Variants in RBFOX1 observed in about 807,000 individuals in gnomAD.
The protein encoded by RBFOX1 is RNA binding protein fox-1 homolog 1.
In RBFOX1, 8 loss-of-function variants were observed where a neutral mutation model predicts 57.7. The observed-to-expected ratio is 0.14, with a 90% CI of 0.08 to 0.25. RBFOX1 has a LOEUF of 0.25. RBFOX1 is among the 10% of genes least tolerant of loss of function. RBFOX1 has a pLI of 1.00. For synonymous variants in RBFOX1, 326 were observed against 222.4 expected (o/e 1.47, Z -4.15); for missense variants, 611 against 548.5 (o/e 1.11, Z -1.14).
chr16:7,680,848 T>C (rs551510993), intron 14 of RBFOX1, among the ~76,000 whole-genome samples: 1 of 152,218 alleles, frequency 6.6e-6, no homozygotes, highest in East Asian at 1.9e-4. Context: ...GTAGCTCAAC[T>C]TAATAGAAAT....
At chr16:6,943,663 G>C (rs1230725454) in intron 3 of RBFOX1, among the ~76,000 whole-genome samples, 1 of 150,698 alleles carries the variant, frequency 6.6e-6, no homozygotes, top group Non-Finnish European at 1.5e-5. Context: ...AGCCAAGATT[G>C]CGTCACTGCA....
At position 5,677,626 on chromosome 16, in the gene RBFOX1, C is replaced by T. The variant is rs150352701; in HGVS notation, c.318+78665C>T. ...CTTCTATGGATACAGCAGAGAATGA[C>T]ACAGGCATATTCCCTGCGCTCATGG... is the stretch of plus-strand genomic sequence containing the variant. On this transcript the variant is annotated intron_variant, in intron 3 of 19. Transcript: ENST00000641259. Among the ~76,000 whole-genome samples the T allele has an allele frequency of 5.1e-3, 771 of 152,310 alleles. 7 individuals carry two copies. Among genetic ancestry groups the T allele is most frequent in the African/African-American group, 0.018 (749 of 41,568 alleles).
At chr16:7,118,873 G>A (rs1567328583) in intron 4 of RBFOX1, among the ~76,000 whole-genome samples, 1 of 152,126 alleles carries the variant, frequency 6.6e-6, no homozygotes, top group Non-Finnish European at 1.5e-5. Context: ...AGCACATAGA[G>A]AACTTGCTCA....
At chr16:6,666,481 A>T (rs976370893) in intron 3 of RBFOX1, among the ~76,000 whole-genome samples, 1 of 150,656 alleles carries the variant, frequency 6.6e-6, no homozygotes, top group African/African-American at 2.4e-5. Context: ...CAGAGGTTAC[A>T]GTCAGCTGAG....
At chr16:6,754,663 G>A (rs1042725429) in intron 3 of RBFOX1, among the ~76,000 whole-genome samples, 1 of 152,044 alleles carries the variant, frequency 6.6e-6, no homozygotes, top group African/African-American at 2.4e-5. Flanking sequence ...AGAGGTGGGA[G>A]AAAGAGAGAA....
intron 5 of RBFOX1, among the ~76,000 whole-genome samples, chr16:7,554,041 C>T (rs1198365599): frequency 6.6e-6 from 1 of 152,016 alleles, no homozygotes; most frequent in African/African-American, 2.4e-5. Context: ...CCCAGGAGGT[C>T]GAGGCTGCAG....
intron 4 of RBFOX1, among the ~76,000 whole-genome samples, chr16:5,962,922 CAG>C (rs2152289949): frequency 6.7e-6 from 1 of 150,352 alleles, no homozygotes; most frequent in South Asian, 2.1e-4. Context: ...GGACTCCAGA[CAG>C]AGATCCAAGT....
At chr16:6,863,443 C>A (rs1426865952) in intron 3 of RBFOX1, among the ~76,000 whole-genome samples, 9 of 151,994 alleles carry the variant, frequency 5.9e-5, no homozygotes, top group Admixed American at 5.9e-4. Context: ...AGGAACTAAG[C>A]AAGTTTTGCC....
intron 1 of RBFOX1, among the ~76,000 whole-genome samples, chr16:5,425,480 C>G (rs2067531506): frequency 6.6e-6 from 1 of 152,170 alleles, no homozygotes; most frequent in South Asian, 2.1e-4. Flanking sequence ...GCCCCCAAGT[C>G]TCTTGGTAAG....
chr16:7,385,893 C>T (rs1172168524), intron 4 of RBFOX1, among the ~76,000 whole-genome samples: 1 of 151,650 alleles, frequency 6.6e-6, no homozygotes, highest in Non-Finnish European at 1.5e-5. Flanking sequence ...GGTGGGATTA[C>T]AGGCACATGC....
chr16:7,512,857 G>A (rs936475377), intron 4 of RBFOX1, among the ~76,000 whole-genome samples: 1 of 152,240 alleles, frequency 6.6e-6, no homozygotes, highest in Admixed American at 6.5e-5. Flanking sequence ...CATTGGAATT[G>A]CTGGCATATT....
At chr16:6,901,647 A>G (rs866159566) in intron 3 of RBFOX1, among the ~76,000 whole-genome samples, 9 of 152,334 alleles carry the variant, frequency 5.9e-5, no homozygotes, top group Middle Eastern at 3.4e-3. Flanking sequence ...GTAACCTTCA[A>G]CAAACTAAAA....
chr16:7,463,925 A>G (rs898680777), intron 4 of RBFOX1, among the ~76,000 whole-genome samples: 3 of 152,320 alleles, frequency 2.0e-5, no homozygotes, highest in African/African-American at 4.8e-5. Flanking sequence ...TTTTACATGT[A>G]TATTTTTTAA....
intron 1 of RBFOX1, among the ~76,000 whole-genome samples, chr16:6,231,920 A>C (rs1353432518): frequency 6.6e-6 from 1 of 151,590 alleles, no homozygotes; most frequent in African/African-American, 2.4e-5. Context: ...ACATCAAAAC[A>C]ATAGTCTGTA....
chr16:5,275,081 C>G (rs1041320526), intron 1 of RBFOX1, among the ~76,000 whole-genome samples: 3 of 152,216 alleles, frequency 2.0e-5, no homozygotes, highest in African/African-American at 4.8e-5. Flanking sequence ...GAGGCTGCCA[C>G]AATCCGCCTG....
chr16:6,504,484 G>C (rs1027450377), intron 2 of RBFOX1, among the ~76,000 whole-genome samples: 1 of 152,140 alleles, frequency 6.6e-6, no homozygotes, highest in Admixed American at 6.5e-5. Context: ...ATTTGCATGA[G>C]ACCTTTGTAA....
intron 3 of RBFOX1, among the ~76,000 whole-genome samples, chr16:6,783,638 T>A (rs567337555): frequency 1.3e-5 from 2 of 152,220 alleles, no homozygotes; most frequent in Non-Finnish European, 2.9e-5. Flanking sequence ...TTTTCATAGG[T>A]TTGTCTTTTA....
At chr16:6,652,010 C>T (rs1237405219) in intron 2 of RBFOX1, among the ~76,000 whole-genome samples, 1 of 152,156 alleles carries the variant, frequency 6.6e-6, no homozygotes, top group Non-Finnish European at 1.5e-5. Context: ...AGTGTTAAGT[C>T]CTCAATTGTA....
At chr16:6,946,104 G>C (rs559499721) in intron 3 of RBFOX1, among the ~76,000 whole-genome samples, 1 of 152,310 alleles carries the variant, frequency 6.6e-6, no homozygotes, top group East Asian at 1.9e-4. Context: ...CTCAGGATTT[G>C]CTTTATAAAT....
Sources: allele counts gnomAD v4.1 joint callset (sites outside exome capture counted in the v4.1 genomes callset), GRCh38; gene constraint gnomAD v4.1.1; transcripts MANE v1.5; gene names NCBI Gene and HGNC (gene_info 2026-07-23, HGNC 2026-07-21).